Variants in EDNRB observed in about 807,000 individuals in gnomAD.
EDNRB encodes the protein Hirschsprung disease 2.
EDNRB carries 18 observed loss-of-function variants against 46.4 expected under a neutral mutation model. That is an observed-to-expected ratio of 0.39 (90% confidence interval 0.27 to 0.57). The LOEUF is 0.57. Among genes scored for constraint, EDNRB ranks in the 20% least tolerant of loss-of-function variants. The pLI is 0.61. For missense variants in EDNRB, 434 were observed against 537.5 expected, an observed-to-expected ratio of 0.81 and a Z score of 1.90; for synonymous variants, 213 against 204.9, an observed-to-expected ratio of 1.04 and a Z score of -0.34.
At chr13:77,955,845 G>GTATGTATCTATC (rs772011936) in intron 1 of EDNRB, among the ~76,000 whole-genome samples, 26 of 145,636 alleles carry the variant, frequency 1.8e-4, no homozygotes, top group Non-Finnish European at 3.0e-4. Flanking sequence ...ATGTGTGTGT[G>GTATGTATCTATC]TATCTATCTA....
chr13:77,974,201 C>T (rs550341350), intron 1 of EDNRB, among the ~76,000 whole-genome samples: 2 of 151,888 alleles, frequency 1.3e-5, no homozygotes, highest in Non-Finnish European at 2.9e-5. Flanking sequence ...TAGCCCCTTG[C>T]TTTAATATTT....
At chr13:77,901,036 T>C (rs1487811683) in intron 4 of EDNRB, 22 bp downstream of exon 4, 1 of 1,608,222 alleles carries the variant, frequency 6.2e-7, no homozygotes, top group Admixed American at 1.7e-5. Flanking sequence ...CCACGAGTTA[T>C]CAAATATTTG....
At chr13:77,916,630 T>G (rs1879819221) in intron 1 of EDNRB, among the ~76,000 whole-genome samples, 2 of 152,204 alleles carry the variant, frequency 1.3e-5, no homozygotes, top group African/African-American at 4.8e-5. Context: ...TAGAGATTTA[T>G]GAAGGGAAAT....
intron 3 of EDNRB, among the ~76,000 whole-genome samples, chr13:77,902,498 T>A (rs1275105815): frequency 5.9e-5 from 9 of 151,858 alleles, no homozygotes; most frequent in African/African-American, 1.7e-4. Context: ...TAGTCATCCT[T>A]AGTCACCTGC....
rs893092915 is a variant in EDNRB at position 77,918,079 on chromosome 13, G to C, written c.483+12C>G. The C allele has an allele frequency of 2.6e-5, 42 of 1,613,870 alleles. No homozygotes were observed. Among genetic ancestry groups the C allele is most frequent in the Non-Finnish European group, 3.5e-5 (41 of 1,180,038 alleles). The stretch of plus-strand genomic sequence containing the variant: ...CCTCAAGCCCACCATGATTTCAGCA[G>C]GCGCCCTTTACCTTGTAGACATTGA... On this transcript the variant is annotated intron_variant, in intron 1 of 6. Transcript: ENST00000646607. The surrounding 1 kb of genome is among the most constrained non-coding windows in gnomAD (Gnocchi z 4.5).
intron 1 of EDNRB, among the ~76,000 whole-genome samples, chr13:77,908,043 A>AAAGAGAGAG (rs4052535): frequency 1.4e-5 from 1 of 72,448 alleles, no homozygotes; most frequent in African/African-American, 6.0e-5. Context: ...AAAAAAAAAA[A>AAAGAGAGAG]AGAGAGAGAG....
intron 1 of EDNRB, among the ~76,000 whole-genome samples, chr13:77,966,870 A>C (rs186033864): frequency 5.9e-5 from 9 of 152,318 alleles, no homozygotes; most frequent in Admixed American, 2.0e-4. Flanking sequence ...GTGTTATGTA[A>C]CACTAAATAG....
chr13:77,932,601 G>C (rs112231854), intron 1 of EDNRB, among the ~76,000 whole-genome samples: 1 of 152,232 alleles, frequency 6.6e-6, no homozygotes. Context: ...CTTAGACCAA[G>C]TCCATCTAAC....
chr13:77,951,686 G>A (rs1881094537), intron 1 of EDNRB, among the ~76,000 whole-genome samples: 1 of 152,186 alleles, frequency 6.6e-6, no homozygotes, highest in Non-Finnish European at 1.5e-5. Context: ...ACTTTACTGA[G>A]AGGGGCTTCT....
chr13:77,908,611 A>T (rs1879412141), intron 1 of EDNRB, among the ~76,000 whole-genome samples: 1 of 152,024 alleles, frequency 6.6e-6, no homozygotes, highest in South Asian at 2.1e-4. Context: ...CTGAAGAGGA[A>T]ATGGATTCAC....
chr13:77,970,058 T>C (rs181086480), intron 1 of EDNRB, among the ~76,000 whole-genome samples: 119 of 152,330 alleles, frequency 7.8e-4, no homozygotes, highest in African/African-American at 2.7e-3. Context: ...AATTCCAAGA[T>C]TTTTTAGGAA....
Position 77,918,672 on chromosome 13 carries a change from C to A in EDNRB, c.-99G>T. 2 of 1,446,572 alleles carry A rather than the reference C, an allele frequency of 1.4e-6. No individual in the cohort carries two copies. The highest frequency in any genetic ancestry group is 1.5e-5 in the South Asian group (1 of 67,024). 89.6% of individuals were successfully genotyped at this position (1,446,572 alleles called of 1,614,324 possible). A position where few individuals can be genotyped will look rare whatever the true frequency, so the allele number is the denominator to read the frequency against. On this transcript the variant is annotated 5_prime_UTR_variant, in exon 1 of 7. Coordinates refer to ENST00000646607, the MANE Select transcript of EDNRB (RefSeq NM_001122659.3). This position sits in a 1 kb window ranked among gnomAD's most constrained non-coding sequence, Gnocchi z 4.5. ...AGACAGGACACTTGGGTCAGCTGCC[C>A]GAGCCAAGTCGCTGCAAACGCTAAT...
intron 6 of EDNRB, chr13:77,899,555 T>C: frequency 3.4e-6 from 1 of 292,360 alleles, no homozygotes; most frequent in Non-Finnish European, 6.5e-6. Flanking sequence ...GTTTAGCCCT[T>C]ATTTTATTAT....
In EDNRB at chr13:77,899,966, A is replaced by G; in HGVS notation, c.1087T>C (p.Phe363Leu). 1 of 1,611,102 alleles carries G rather than the reference A, an allele frequency of 6.2e-7. No individual in the cohort carries two copies. Among genetic ancestry groups the G allele is most frequent in the Non-Finnish European group, 8.5e-7 (1 of 1,178,188 alleles). ...NDPNRCELLS[F>L]LLVLDYIGIN... Reference sequence around the variant, plus strand: ...CCAATATAGTCCAATACCAACAGAAAGCTGCAACAAAATAACCCAAAATGT... The same window carrying G: ...CCAATATAGTCCAATACCAACAGAAGGCTGCAACAAAATAACCCAAAATGT... Residue 363 changes from phenylalanine (F) to leucine (L), a missense_variant and splice_region_variant, in exon 6 of 7, where the codon TTT becomes CTT. Phe to Leu is a conservative substitution (Grantham distance 22). Transcript: ENST00000646607.
In EDNRB at chr13:77,930,134, G is replaced by A. The variant is rs375974392; in HGVS notation, c.-51-11510C>T. Among the ~76,000 whole-genome samples the A allele has an allele frequency of 4.2e-4, 64 of 152,202 alleles. No individual in the cohort carries two copies. In the South Asian group the frequency reaches 0.012, roughly 29 times the overall value. On this transcript the variant is annotated intron_variant, in intron 1 of 7. Coordinates refer to the EDNRB transcript ENST00000646948. ...CTTTTTTTTTGATGATCAACTATACGAGGAGCAGGAAATGGGCAGGACTGA... is the reference window on the plus strand; with the variant it reads ...CTTTTTTTTTGATGATCAACTATACAAGGAGCAGGAAATGGGCAGGACTGA...
chr13:77,905,748 T>C (rs1879242521), intron 1 of EDNRB, among the ~76,000 whole-genome samples: 1 of 151,906 alleles, frequency 6.6e-6, no homozygotes, highest in African/African-American at 2.4e-5. Flanking sequence ...CGAAGAGCAT[T>C]CTAGGCAGAG....
chr13:77,949,086 T>A (rs1430809002), intron 1 of EDNRB, among the ~76,000 whole-genome samples: 2 of 152,204 alleles, frequency 1.3e-5, no homozygotes, highest in African/African-American at 4.8e-5. Context: ...TTTAAGGCAC[T>A]TCAGGATTAA....
chr13:77,963,039 A>G (rs1881472944), intron 1 of EDNRB, among the ~76,000 whole-genome samples: 1 of 152,328 alleles, frequency 6.6e-6, no homozygotes, highest in South Asian at 2.1e-4. Context: ...AGGAGAATAA[A>G]ATACCTAGGA....
rs1878677559 is a variant in EDNRB at position 77,897,248 on chromosome 13, T to C, written c.*952A>G. ...CTCATTTAATCATCTACATGCAGTG[T>C]ATGTAGGTAAGTATTTACAGATGAC... On this transcript the variant is annotated 3_prime_UTR_variant, in exon 7 of 7. Coordinates refer to ENST00000646607, the MANE Select transcript of EDNRB (RefSeq NM_001122659.3). 4.1e-6 allele frequency: 4 copies of C among 984,592 alleles called. No individual in the cohort carries two copies. The South Asian group carries it at 1.9e-4, about 46-fold the overall frequency. 61.0% of individuals were successfully genotyped at this position (984,592 alleles called of 1,614,324 possible). A position where few individuals can be genotyped will look rare whatever the true frequency, so the allele number is the denominator to read the frequency against.
Sources: gnomAD v4.1 joint callset for allele counts (sites outside exome capture counted in the v4.1 genomes callset) on GRCh38, gnomAD v4.1.1 for gene constraint, Gnocchi (gnomAD v3.1) non-coding constraint, MANE v1.5 for transcripts, NCBI Gene and HGNC (gene_info 2026-07-23, HGNC 2026-07-21) for gene names.